The following SEC23B variants were observed in gnomAD, a reference collection of about 807,000 sequenced individuals.
SEC23B encodes the protein SEC23 homolog B, COPII component.
SEC23B carries 77 observed loss-of-function variants against 104.3 expected under a neutral mutation model. That is an observed-to-expected ratio of 0.74 (90% CI 0.61 to 0.89). SEC23B has a LOEUF of 0.89. Ranked by LOEUF, SEC23B falls within the 40% of genes least tolerant of loss-of-function variation. SEC23B has a pLI of 0.00. For missense variants in SEC23B, 885 were observed against 949.4 expected (o/e 0.93, Z 0.89); for synonymous variants, 338 against 332.5 (o/e 1.02, Z -0.18).
intron 12 of SEC23B, among the ~76,000 whole-genome samples, chr20:18,537,163 C>A (rs62216396): frequency 1 from 145,942 of 146,310 alleles, 72,788 homozygotes; most frequent in Middle Eastern, 1. Flanking sequence ...TAGTTCAATC[C>A]TTGTGGAAGT....
chr20:18,511,107 A>G (rs767420418), intron 2 of SEC23B, 51 bp downstream of exon 2: 1 of 1,394,866 alleles, frequency 7.2e-7, no homozygotes, highest in Non-Finnish European at 1.0e-6. Flanking sequence ...TATATTATGA[A>G]TTTTATGTGA....
intron 11 of SEC23B, 61 bp from the exon 12 acceptor site, chr20:18,535,592 G>A: frequency 7.6e-7 from 1 of 1,314,764 alleles, no homozygotes. Flanking sequence ...CTTTTCATTA[G>A]CAATTAACCA....
At chr20:18,555,062 G>C (rs1452613715) in intron 18 of SEC23B, 46 bp from the exon 19 acceptor site, 2 of 1,545,586 alleles carry the variant, frequency 1.3e-6, no homozygotes, top group African/African-American at 1.4e-5. Flanking sequence ...TAATATTAAT[G>C]TCACTTTTTA....
chr20:18,511,004 G>A lies in SEC23B; in HGVS notation c.169G>A (p.Glu57Lys). The A allele has an allele frequency of 6.2e-7, 1 of 1,614,170 alleles. No individual in the cohort carries two copies. The highest frequency in any genetic ancestry group is 1.1e-5 in the South Asian group (1 of 91,080). ...ERPDLPPVQYEPVLCSRPTCK... is the reference protein window; with the variant it reads ...ERPDLPPVQYKPVLCSRPTCK... Reference sequence around the variant, plus strand: ...TCCAGACCTACCTCCTGTACAATATGAACCTGTGCTTTGCAGCAGGCCAAC... The same window carrying A: ...TCCAGACCTACCTCCTGTACAATATAAACCTGTGCTTTGCAGCAGGCCAAC... Residue 57 changes from glutamate (E) to lysine (K), a missense_variant, in exon 2 of 20, where the codon GAA becomes AAA. Glu to Lys is a moderately conservative substitution (Grantham distance 56). Transcript: ENST00000650089.
chr20:18,516,770 G>A (rs888622714), intron 4 of SEC23B, among the ~76,000 whole-genome samples: 1 of 151,794 alleles, frequency 6.6e-6, no homozygotes, highest in Non-Finnish European at 1.5e-5. Flanking sequence ...AGCCAGGATG[G>A]TCTCGTTCTC....
chr20:18,545,923 G>GTT lies in SEC23B; in HGVS notation c.1666-31_1666-30dup, dbSNP rs1200984524. ...GATTTTTCTCTCTCTTTTTGTGTGT[G>GTT]TTTGTTTGTTTTTTGGTATTTTCTT... On this transcript the variant is annotated intron_variant, in intron 14 of 19. Coordinates refer to ENST00000650089, the MANE Select transcript of SEC23B (RefSeq NM_006363.6). 3.3e-6 allele frequency: 4 copies of GTT among 1,207,294 alleles called. No homozygotes were observed. In the African/African-American group the frequency reaches 6.0e-5, roughly 18 times the overall value. The allele number at this position is 1,207,294 out of a possible 1,614,324, so 74.8% of individuals were successfully genotyped here.
At chr20:18,512,305 A>C in intron 3 of SEC23B, 23 bp downstream of exon 3, 1 of 1,413,952 alleles carries the variant, frequency 7.1e-7, no homozygotes, top group Non-Finnish European at 9.9e-7. Flanking sequence ...TTTTTAAAAA[A>C]TGTTATATGT....
Position 18,554,314 on chromosome 20 carries a change from T to G in SEC23B, c.2072T>G (p.Leu691Arg). 1 of 1,614,178 alleles carries G rather than the reference T, an allele frequency of 6.2e-7. No homozygotes were observed. Among genetic ancestry groups the G allele is most frequent in the Non-Finnish European group, 8.5e-7 (1 of 1,180,034 alleles). ...ENFKHLLQAP[L>R]DDAQEILQAR... is the part of the protein sequence containing the mutation. The stretch of plus-strand genomic sequence containing the variant: ...TTCAAGCACCTTCTGCAGGCACCAC[T>G]GGATGATGCTCAAGAAATTCTGCAA... The change falls in exon 18 of 20, where the codon CTG (leucine) becomes CGG (arginine). Residue 691 changes from leucine (L) to arginine (R), a missense_variant. Physicochemically the swap from Leu to Arg is moderately radical, Grantham distance 102. Coordinates refer to ENST00000650089, the MANE Select transcript of SEC23B (RefSeq NM_006363.6).
intron 16 of SEC23B, among the ~76,000 whole-genome samples, chr20:18,550,603 G>C (rs76763341): frequency 0.027 from 4,069 of 152,078 alleles, 182 homozygotes; most frequent in African/African-American, 0.094. Flanking sequence ...ATTATTTTTC[G>C]TTCCAAGATC....
intron 12 of SEC23B, among the ~76,000 whole-genome samples, chr20:18,536,433 CT>C (rs2060231650): frequency 2.0e-5 from 3 of 152,286 alleles, no homozygotes; most frequent in Non-Finnish European, 4.4e-5. Context: ...TGGCTCACGC[CT>C]GTAATCCCAG....
At chr20:18,547,116 A>G (rs1291054568) in intron 15 of SEC23B, among the ~76,000 whole-genome samples, 4 of 151,870 alleles carry the variant, frequency 2.6e-5, no homozygotes, top group Non-Finnish European at 5.9e-5. Context: ...ACCAGATGAA[A>G]TGCTTTCTCA....
intron 4 of SEC23B, among the ~76,000 whole-genome samples, chr20:18,519,461 C>T (rs185470553): frequency 8.5e-5 from 13 of 152,120 alleles, no homozygotes; most frequent in Non-Finnish European, 1.9e-4. Flanking sequence ...AGTATTAGGG[C>T]GGCAGCAGCT....
intron 4 of SEC23B, among the ~76,000 whole-genome samples, chr20:18,524,032 T>C (rs1000947502): frequency 5.3e-5 from 8 of 152,196 alleles, no homozygotes; most frequent in Non-Finnish European, 1.0e-4. Context: ...TAAATGAGGC[T>C]GCCCTGATTT....
intron 3 of SEC23B, among the ~76,000 whole-genome samples, chr20:18,514,801 AG>A (rs2060011350): frequency 6.6e-6 from 1 of 152,216 alleles, no homozygotes; most frequent in Non-Finnish European, 1.5e-5. Context: ...AGCTGCTTCT[AG>A]GTGATAGGAT....
chr20:18,556,132 G>GATT (rs1461910889), intron 19 of SEC23B, among the ~76,000 whole-genome samples: 2 of 152,100 alleles, frequency 1.3e-5, no homozygotes, highest in African/African-American at 4.8e-5. Context: ...AGCTCAGGTG[G>GATT]TAATGCACGT....
At chr20:18,549,308 A>G (rs2060363384) in intron 16 of SEC23B, among the ~76,000 whole-genome samples, 1 of 152,190 alleles carries the variant, frequency 6.6e-6, no homozygotes, top group Non-Finnish European at 1.5e-5. Flanking sequence ...TAACCTTGGC[A>G]CATCCTCCTA....
intron 8 of SEC23B, among the ~76,000 whole-genome samples, chr20:18,527,276 CCCAGCTACTTGGGAGG>C (rs2060142211): frequency 6.6e-6 from 1 of 151,976 alleles, no homozygotes; most frequent in African/African-American, 2.4e-5. Context: ...CGCTTTTAAT[CCCAGCTACTTGGGAGG>C]CTGAGGCAGG....
At chr20:18,510,691 G>A (rs553412634) in intron 1 of SEC23B, 131 bp from the exon 2 acceptor site, 4 of 718,080 alleles carry the variant, frequency 5.6e-6, no homozygotes, top group Admixed American at 2.1e-5. Context: ...GCTTGAACCC[G>A]GGAGGTGGAG....
Position 18,525,835 on chromosome 20 carries a change from T to C in SEC23B, c.737T>C (p.Leu246Pro). 1 of 1,614,204 alleles carries C rather than the reference T, an allele frequency of 6.2e-7. No homozygotes were observed. Among genetic ancestry groups the C allele is most frequent in the Non-Finnish European group, 8.5e-7 (1 of 1,180,022 alleles). Residue 246 changes from leucine to proline, a missense_variant, in exon 7 of 20, where the codon CTT (leucine) becomes CCT (proline). Transcript: ENST00000650089. The part of the protein sequence containing the change: ...HKIDMNLTDL[L>P]GELQRDPWPV... ...ATTGATATGAACCTCACTGATCTTC[T>C]TGGGGAGCTACAGAGGGACCCATGG... is the stretch of plus-strand genomic sequence containing the variant.
Sources: allele counts gnomAD v4.1 joint callset (sites outside exome capture counted in the v4.1 genomes callset), GRCh38; gene constraint gnomAD v4.1.1; transcripts MANE v1.5; gene names NCBI Gene and HGNC (gene_info 2026-07-23, HGNC 2026-07-21).